TRAFD1: variants seen among roughly 807,000 people sequenced by gnomAD.
TRAFD1 encodes TRAF-type zinc finger domain containing 1, also known as TRAF-type zinc finger domain-containing protein 1.
Under a neutral mutation model 65.3 loss-of-function variants are expected in TRAFD1, and 38 were observed. The observed-to-expected ratio is 0.58, with a 90% CI of 0.45 to 0.76. TRAFD1 has a LOEUF of 0.76. Ranked by LOEUF, TRAFD1 falls within the 30% of genes least tolerant of loss-of-function variation. TRAFD1 has a pLI of 0.00. For missense variants in TRAFD1, 631 were observed against 712.6 expected (o/e 0.89, Z 1.30); for synonymous variants, 223 against 257.2 (o/e 0.87, Z 1.27).
intron 2 of TRAFD1, 150 bp from the exon 3 acceptor site, chr12:112,134,588 T>C (rs990415306): frequency 1.1e-6 from 1 of 898,432 alleles, no homozygotes; most frequent in Non-Finnish European, 1.7e-6. Flanking sequence ...GGAATGGTAA[T>C]AGTCATGAGT....
intron 1 of TRAFD1, among the ~76,000 whole-genome samples, chr12:112,127,287 A>G (rs543802908): frequency 6.6e-6 from 1 of 152,224 alleles, no homozygotes; most frequent in African/African-American, 2.4e-5. Context: ...CCTAAAGTAG[A>G]TTTGCCTCTA....
intron 8 of TRAFD1, among the ~76,000 whole-genome samples, chr12:112,148,813 A>AT (rs1055483822): frequency 1.3e-5 from 2 of 152,190 alleles, no homozygotes; most frequent in African/African-American, 2.4e-5. Context: ...TTTCTGCCCA[A>AT]TCGTATATGT....
rs572512668 is a variant in TRAFD1, at chr12:112,143,312, C to T, written c.850+1017C>T. 9.8e-5 allele frequency among the ~76,000 whole-genome samples: 15 copies of T among 152,320 alleles called. 2 individuals carry two copies. In the East Asian group the frequency reaches 2.9e-3, roughly 29 times the overall value. On this transcript the variant is annotated intron_variant, in intron 6 of 11. Transcript: ENST00000412615. ...GCCAGGATTGTCTCGATCTCCTGACCTCGTGATCCGCCTGCCTCGGCCTCC... is the reference window on the plus strand; with the variant it reads ...GCCAGGATTGTCTCGATCTCCTGACTTCGTGATCCGCCTGCCTCGGCCTCC...
chr12:112,134,008 T>G, intron 2 of TRAFD1, among the ~76,000 whole-genome samples: 1 of 142,538 alleles, frequency 7.0e-6, no homozygotes, highest in African/African-American at 2.6e-5. Context: ...TTAATTTTTT[T>G]TTTTTTTTTT....
At chr12:112,126,617 G>A (rs185918478) in intron 1 of TRAFD1, among the ~76,000 whole-genome samples, 2 of 152,136 alleles carry the variant, frequency 1.3e-5, no homozygotes, top group Admixed American at 1.3e-4. Context: ...GAAATCAGTC[G>A]GACAGCCTTC....
intron 8 of TRAFD1, 23 bp downstream of exon 8, chr12:112,148,327 T>A (rs2030311577): frequency 6.2e-7 from 1 of 1,603,878 alleles, no homozygotes; most frequent in African/African-American, 1.3e-5. Context: ...GGAGTCCCTG[T>A]CCATGTGGCT....
At chr12:112,125,666 G>A (rs2079532005) in intron 1 of TRAFD1, 48 bp downstream of exon 1, 1 of 152,424 alleles carries the variant, frequency 6.6e-6, no homozygotes, top group African/African-American at 2.4e-5. Context: ...GTGGCCTCCA[G>A]TTTAGGAAGG....
chr12:112,128,602 A>G (rs978042630), intron 1 of TRAFD1, among the ~76,000 whole-genome samples: 5 of 152,196 alleles, frequency 3.3e-5, no homozygotes, highest in African/African-American at 9.7e-5. Context: ...GTAAAATAAG[A>G]CTGTTGACAT....
At chr12:112,143,722 C>T (rs59700093) in intron 6 of TRAFD1, among the ~76,000 whole-genome samples, 2,293 of 149,460 alleles carry the variant, frequency 0.015, 71 homozygotes, top group African/African-American at 0.053. Context: ...TTACAGTTCC[C>T]GCTTTGGTTT....
At position 112,134,725 on chromosome 12, in the gene TRAFD1, T is replaced by C. The variant is rs761543048; in HGVS notation, c.48-13T>C. ...CAGTAATGCTTGCCTTTTTCTTTGG[T>C]CTATTTCCGTAGCAAAAAAGAAATT... is the stretch of plus-strand genomic sequence containing the variant. On this transcript the variant is annotated splice_polypyrimidine_tract_variant and intron_variant, in intron 2 of 11. Coordinates refer to ENST00000412615, the MANE Select transcript of TRAFD1 (RefSeq NM_006700.3). 1 of 1,610,392 alleles carries C rather than the reference T, an allele frequency of 6.2e-7. No individual in the cohort carries two copies. The highest frequency in any genetic ancestry group is 2.2e-5 in the East Asian group (1 of 44,746).
intron 4 of TRAFD1, among the ~76,000 whole-genome samples, chr12:112,136,670 C>T (rs1483888049): frequency 6.6e-6 from 1 of 152,182 alleles, no homozygotes; most frequent in African/African-American, 2.4e-5. Context: ...ATGATCATAA[C>T]TCACTGCAGC....
Position 112,135,007 on chromosome 12 carries a change from C to A in TRAFD1, c.184-6C>A. The A allele has an allele frequency of 1.2e-6, 2 of 1,614,206 alleles. No individual in the cohort carries two copies. Among genetic ancestry groups the A allele is most frequent in the Non-Finnish European group, 1.7e-6 (2 of 1,180,038 alleles). The stretch of plus-strand genomic sequence containing the variant: ...CCAATTTACTGATTCTCACTTCTTA[C>A]TCTAGGTGACCTGCAAATGTAACAA... On this transcript the variant is annotated splice_region_variant and splice_polypyrimidine_tract_variant and intron_variant, in intron 3 of 11. Transcript: ENST00000412615.
In TRAFD1 at chr12:112,135,026, G is replaced by T. The variant is rs569633774; in HGVS notation, c.197G>T (p.Cys66Phe). 1.5e-5 allele frequency: 24 copies of T among 1,614,222 alleles called. No individual in the cohort carries two copies. In the Admixed American group the frequency reaches 3.8e-4, roughly 26 times the overall value. Residue 66 changes from cysteine (C) to phenylalanine (F), a missense_variant, in exon 4 of 12, where the codon TGT becomes TTT. By Grantham distance (205) the Cys-to-Phe change is radical. Coordinates refer to ENST00000412615, the MANE Select transcript of TRAFD1 (RefSeq NM_006700.3). ...TTCTTACTCTAGGTGACCTGCAAAT[G>T]TAACAAGAAGTTGGAGAAGAGGCTG... ...AAEHCQVTCKCNKKLEKRLLK... is the reference protein window; with the variant it reads ...AAEHCQVTCKFNKKLEKRLLK...
intron 6 of TRAFD1, among the ~76,000 whole-genome samples, chr12:112,143,662 C>T (rs1386081783): frequency 6.6e-6 from 1 of 151,400 alleles, no homozygotes; most frequent in Admixed American, 6.6e-5. Flanking sequence ...TGATCCTTTT[C>T]CTCATTGTAC....
chr12:112,149,636 A>C (rs1473015557), intron 8 of TRAFD1, 115 bp from the exon 9 acceptor site: 27 of 1,416,490 alleles, frequency 1.9e-5, no homozygotes, highest in Non-Finnish European at 2.5e-5. Flanking sequence ...CAGAACTTTC[A>C]GAGGTTGTCA....
chr12:112,144,454 A>G (rs2030181817), intron 6 of TRAFD1, among the ~76,000 whole-genome samples: 1 of 152,018 alleles, frequency 6.6e-6, no homozygotes, highest in African/African-American at 2.4e-5. Flanking sequence ...TATTTTTAGT[A>G]GAGACAGGGT....
chr12:112,142,981 G>A (rs1182446774), intron 6 of TRAFD1, among the ~76,000 whole-genome samples: 2 of 150,736 alleles, frequency 1.3e-5, no homozygotes, highest in Non-Finnish European at 2.9e-5. Flanking sequence ...GCAATGGCAC[G>A]ATCTCGGCTC....
rs560633197 is a variant in TRAFD1 at position 112,142,245 on chromosome 12, G to A, written c.800G>A (p.Cys267Tyr). 10 of 1,613,944 alleles carry A rather than the reference G, an allele frequency of 6.2e-6. No homozygotes were observed. The Admixed American group carries it at 1.7e-4, about 27-fold the overall frequency. The change falls in exon 6 of 12, where the codon TGT (cysteine) becomes TAT (tyrosine). Residue 267 changes from cysteine (C) to tyrosine (Y), a missense_variant. By Grantham distance (194) the Cys-to-Tyr change is radical. Coordinates refer to ENST00000412615, the MANE Select transcript of TRAFD1 (RefSeq NM_006700.3). ...VAEQDFWRAVCEADQSHGGPR... is the reference protein window; with the variant it reads ...VAEQDFWRAVYEADQSHGGPR... ...GAGCAGGACTTCTGGAGGGCCGTAT[G>A]TGAGGCCGACCAGTCTCATGGCGGT...
intron 2 of TRAFD1, among the ~76,000 whole-genome samples, chr12:112,132,967 T>C (rs1402824133): frequency 1.3e-5 from 2 of 152,218 alleles, no homozygotes; most frequent in Admixed American, 1.3e-4. Context: ...CCTTCTTTAA[T>C]GTAGTTTTTA....
Sources: allele counts gnomAD v4.1 joint callset (sites outside exome capture counted in the v4.1 genomes callset), GRCh38; gene constraint gnomAD v4.1.1; transcripts MANE v1.5; gene names NCBI Gene and HGNC (gene_info 2026-07-23, HGNC 2026-07-21).